The following DCDC2C variants were observed in gnomAD, a reference collection of about 807,000 sequenced individuals.
DCDC2C encodes doublecortin domain-containing protein 2C.
In DCDC2C, 44 loss-of-function variants were observed where a neutral mutation model predicts 45.0. The observed-to-expected ratio is 0.98, with a 90% CI of 0.77 to 1.26. DCDC2C has a LOEUF of 1.26. Among genes scored for constraint, DCDC2C ranks in the 50% most tolerant of loss-of-function variants. The probability of loss-of-function intolerance (pLI) is 0.00; values close to 1 mark genes in which losing one functional copy is unlikely to be tolerated. For synonymous variants in DCDC2C, 187 were observed against 178.8 expected (o/e 1.05, Z -0.37); for missense variants, 447 against 468.9 (o/e 0.95, Z 0.43).
intron 6 of DCDC2C, among the ~76,000 whole-genome samples, chr2:3,762,465 T>G (rs1038731811): frequency 2.0e-5 from 3 of 152,192 alleles, no homozygotes; most frequent in Non-Finnish European, 4.4e-5. Context: ...GGCTCACGGT[T>G]CTGCAGGAAG....
At chr2:3,704,265 G>T (rs1278945179) in intron 1 of DCDC2C, 15 of 393,378 alleles carry the variant, frequency 3.8e-5, no homozygotes, top group Non-Finnish European at 4.8e-5. Context: ...CTTCCTATGG[G>T]GCAGGGCGGG....
intron 10 of DCDC2C, among the ~76,000 whole-genome samples, chr2:3,799,912 A>G (rs1340885867): frequency 3.3e-5 from 5 of 152,302 alleles, no homozygotes; most frequent in African/African-American, 7.2e-5. Context: ...CGAGCTTCCC[A>G]GATGCTTTGT....
At position 3,723,684 on chromosome 2, in the gene DCDC2C, C is replaced by T. The variant is rs145145615; in HGVS notation, c.340-3319C>T. 6.3e-4 allele frequency among the ~76,000 whole-genome samples: 96 copies of T among 152,090 alleles called. No individual in the cohort carries two copies. The East Asian group carries it at 0.016, about 25-fold the overall frequency. On this transcript the variant is annotated intron_variant, in intron 2 of 10. Transcript: ENST00000399143. ...GCTTGCCATGAGGGAAGGATTGTCT[C>T]GGGGCAGGGGAGAGATGGTGGAGGC... is the stretch of plus-strand genomic sequence containing the variant.
intron 2 of DCDC2C, among the ~76,000 whole-genome samples, chr2:3,712,264 C>T (rs368212780): frequency 2.0e-4 from 30 of 152,222 alleles, no homozygotes; most frequent in African/African-American, 6.7e-4. Context: ...GAAGGCTGCC[C>T]GTCACTCCCA....
intron 2 of DCDC2C, among the ~76,000 whole-genome samples, chr2:3,709,698 C>T (rs924974248): frequency 1.4e-4 from 22 of 152,168 alleles, no homozygotes; most frequent in Non-Finnish European, 2.9e-4. Context: ...ACCTGTTTCC[C>T]CTCTACCTGT....
At chr2:3,706,680 C>G (rs914232634) in intron 1 of DCDC2C, among the ~76,000 whole-genome samples, 11 of 152,170 alleles carry the variant, frequency 7.2e-5, no homozygotes, top group Non-Finnish European at 2.9e-5. Context: ...TCAAAGTCTC[C>G]TCGTTCTTCC....
At chr2:3,838,734 G>A (rs1672142668) in intron 10 of DCDC2C, among the ~76,000 whole-genome samples, 1 of 152,172 alleles carries the variant, frequency 6.6e-6, no homozygotes. Context: ...AGAGGGTACT[G>A]TGGGGCTGTG....
At chr2:3,813,058 TATATATATA>T (rs374586502) in intron 10 of DCDC2C, among the ~76,000 whole-genome samples, 6,350 of 93,236 alleles carry the variant, frequency 0.068, 515 homozygotes, top group African/African-American at 0.24. Context: ...TATATATATA[TATATATATA>T]TTTTTTTTTT....
chr2:3,834,496 C>T (rs1303548263), intron 10 of DCDC2C, among the ~76,000 whole-genome samples: 2 of 152,314 alleles, frequency 1.3e-5, no homozygotes, highest in Admixed American at 6.5e-5. Context: ...GAACTTCCTC[C>T]AGACATCTTT....
At chr2:3,771,546 G>T (rs1670170292) in intron 8 of DCDC2C, among the ~76,000 whole-genome samples, 1 of 152,200 alleles carries the variant, frequency 6.6e-6, no homozygotes, top group Non-Finnish European at 1.5e-5. Context: ...TAAGCTTTTG[G>T]TTAATTCTGT....
chr2:3,836,712 AT>A (rs1212336538), intron 10 of DCDC2C, among the ~76,000 whole-genome samples: 2 of 152,070 alleles, frequency 1.3e-5, no homozygotes, highest in African/African-American at 2.4e-5. Flanking sequence ...AATACACAAA[AT>A]TAGCCGGGCA....
intron 10 of DCDC2C, among the ~76,000 whole-genome samples, chr2:3,839,631 C>G (rs116657428): frequency 6.6e-6 from 1 of 152,178 alleles, no homozygotes; most frequent in Non-Finnish European, 1.5e-5. Flanking sequence ...CATTCTTGTT[C>G]GTTTTTCCCT....
At chr2:3,799,008 C>A (rs548196475) in intron 10 of DCDC2C, among the ~76,000 whole-genome samples, 2 of 150,884 alleles carry the variant, frequency 1.3e-5, no homozygotes, top group South Asian at 4.2e-4. Flanking sequence ...TCAGGTATAC[C>A]AATCAGATGT....
chr2:3,754,451 G>A, intron 5 of DCDC2C, 141 bp from the exon 6 acceptor site: 2 of 710,032 alleles, frequency 2.8e-6, no homozygotes, highest in Non-Finnish European at 4.5e-6. Flanking sequence ...AATCATTGTT[G>A]CCATGAGCCG....
In DCDC2C at chr2:3,787,295, G is replaced by T. The variant is rs116712145; in HGVS notation, c.1065+2195G>T. 7.7e-3 allele frequency among the ~76,000 whole-genome samples: 1,178 copies of T among 152,322 alleles called. 14 individuals are homozygous for T. The highest frequency in any genetic ancestry group is 0.027 in the African/African-American group (1,132 of 41,574). On this transcript the variant is annotated intron_variant, in intron 10 of 10. Coordinates refer to ENST00000399143, the MANE Select transcript of DCDC2C (RefSeq NM_001287444.2). ...AAATTGGGCCGCATGCAAACTGTGC[G>T]CAAATAGTTTCATTTCTCTGAGCCT...
intron 1 of DCDC2C, among the ~76,000 whole-genome samples, chr2:3,704,948 T>C (rs1298817200): frequency 6.6e-6 from 1 of 152,190 alleles, no homozygotes; most frequent in Non-Finnish European, 1.5e-5. Flanking sequence ...TTTTCTCTCC[T>C]GATTCTCTGT....
At chr2:3,722,958 G>A (rs984490777) in intron 2 of DCDC2C, among the ~76,000 whole-genome samples, 1 of 152,060 alleles carries the variant, frequency 6.6e-6, no homozygotes, top group Non-Finnish European at 1.5e-5. Flanking sequence ...GGTACCCATG[G>A]CATTAGTTTT....
At chr2:3,783,870 A>G (rs998605312) in intron 9 of DCDC2C, among the ~76,000 whole-genome samples, 1 of 152,270 alleles carries the variant, frequency 6.6e-6, no homozygotes, top group Non-Finnish European at 1.5e-5. Context: ...CTACATGAAA[A>G]TCAAACTTTT....
At chr2:3,827,194 G>A (rs944642590) in intron 10 of DCDC2C, among the ~76,000 whole-genome samples, 1 of 152,200 alleles carries the variant, frequency 6.6e-6, no homozygotes, top group Admixed American at 6.5e-5. Context: ...CCTGAGGGGA[G>A]GCTGGAAGGG....
Sources: gnomAD v4.1 joint callset for allele counts (sites outside exome capture counted in the v4.1 genomes callset) on GRCh38, gnomAD v4.1.1 for gene constraint, MANE v1.5 for transcripts, NCBI Gene and HGNC (gene_info 2026-07-23, HGNC 2026-07-21) for gene names.